BRI3BP: variants seen among roughly 807,000 people sequenced by gnomAD.
The protein encoded by BRI3BP is BRI3-binding protein.
Under a neutral mutation model 15.8 loss-of-function variants are expected in BRI3BP, and 7 were observed. That is an observed-to-expected ratio of 0.44 (90% CI 0.25 to 0.83). BRI3BP has a LOEUF of 0.83. Ranked by LOEUF, BRI3BP falls within the 40% of genes least tolerant of loss-of-function variation. The pLI is 0.20. For synonymous variants in BRI3BP, 192 were observed against 163.5 expected (o/e 1.17, Z -1.33); for missense variants, 320 against 339.3 (o/e 0.94, Z 0.45).
intron 1 of BRI3BP, among the ~76,000 whole-genome samples, chr12:124,994,259 G>C (rs1955021758): frequency 6.6e-6 from 1 of 151,924 alleles, no homozygotes; most frequent in Admixed American, 6.6e-5. Flanking sequence ...CTCCGCGGTC[G>C]GCGCAGCCAG....
At chr12:125,000,600 C>A (rs11057965) in intron 1 of BRI3BP, among the ~76,000 whole-genome samples, 8,955 of 152,174 alleles carry the variant, frequency 0.059, 404 homozygotes, top group Admixed American at 0.14. Context: ...GCGTGAGCCA[C>A]CACGCCCAGC....
At position 125,025,234 on chromosome 12, in the gene BRI3BP, C is replaced by T. The variant is rs768040301; in HGVS notation, c.560C>T (p.Pro187Leu). 1.2e-6 allele frequency: 2 copies of T among 1,614,124 alleles called. No individual in the cohort carries two copies. The highest frequency in any genetic ancestry group is 1.7e-6 in the Non-Finnish European group (2 of 1,180,030). ...YEGEPENAVLPLCFVVAVYFM... is the reference protein window; with the variant it reads ...YEGEPENAVLLLCFVVAVYFM... ...GGCGAGCCGGAGAACGCGGTGCTGC[C>T]GCTGTGCTTCGTGGTGGCCGTCTAC... Residue 187 changes from proline to leucine, a missense_variant, in exon 3 of 3, where the codon CCG becomes CTG. By Grantham distance (98) the Pro-to-Leu change is moderately conservative. Coordinates refer to ENST00000341446, the MANE Select transcript of BRI3BP (RefSeq NM_080626.6).
intron 1 of BRI3BP, among the ~76,000 whole-genome samples, chr12:125,005,557 T>C (rs544801492): frequency 6.6e-6 from 1 of 152,014 alleles, no homozygotes; most frequent in East Asian, 1.9e-4. Flanking sequence ...TCACTTGAGG[T>C]CAGGAATTCA....
intron 2 of BRI3BP, among the ~76,000 whole-genome samples, chr12:125,015,901 G>A (rs780484400): frequency 1.3e-5 from 2 of 152,190 alleles, no homozygotes; most frequent in Non-Finnish European, 2.9e-5. Flanking sequence ...CAGCCACCGC[G>A]TGCAATCCTC....
the BRI3BP span, among the ~76,000 whole-genome samples, chr12:125,037,180 C>T: frequency 6.6e-6 from 1 of 152,202 alleles, no homozygotes; most frequent in Non-Finnish European, 1.5e-5. Context: ...CGGCCTCAGC[C>T]TCCTGAGTAG....
chr12:125,007,899 T>C (rs760336530), intron 1 of BRI3BP, among the ~76,000 whole-genome samples: 5 of 152,202 alleles, frequency 3.3e-5, no homozygotes, highest in Non-Finnish European at 5.9e-5. Flanking sequence ...CACGTATGTC[T>C]GGCCTGCCTG....
intron 1 of BRI3BP, 84 bp downstream of exon 1, chr12:124,994,087 C>G (rs2135984110): frequency 2.1e-6 from 2 of 965,458 alleles, no homozygotes; most frequent in South Asian, 9.5e-5. Flanking sequence ...AGGAGCGCGG[C>G]CTCCGGGGCT....
chr12:125,033,620 T>C (rs1170306172), downstream of BRI3BP, among the ~76,000 whole-genome samples: 1 of 152,100 alleles, frequency 6.6e-6, no homozygotes, highest in African/African-American at 2.4e-5. Context: ...TTTCTTTTCC[T>C]TGGGCCCGGC....
At chr12:124,999,378 A>G (rs10846796) in intron 1 of BRI3BP, among the ~76,000 whole-genome samples, 17,018 of 151,920 alleles carry the variant, frequency 0.11, 1,248 homozygotes, top group East Asian at 0.24. Flanking sequence ...TCTGCTCCCT[A>G]TTGTTGGTTT....
the BRI3BP span, among the ~76,000 whole-genome samples, chr12:125,044,020 T>TAAAAA: frequency 7.6e-6 from 1 of 131,796 alleles, no homozygotes; most frequent in Non-Finnish European, 1.6e-5. Flanking sequence ...GCAAGACATT[T>TAAAAA]AAAAAAAAAA....
At chr12:124,996,121 C>A (rs946607087) in intron 1 of BRI3BP, among the ~76,000 whole-genome samples, 4 of 152,090 alleles carry the variant, frequency 2.6e-5, no homozygotes, top group African/African-American at 9.7e-5. Flanking sequence ...ACCATGTTGA[C>A]CAGTCTGGTC....
chr12:125,037,114 C>T, the BRI3BP span, among the ~76,000 whole-genome samples: 1 of 152,240 alleles, frequency 6.6e-6, no homozygotes, highest in Non-Finnish European at 1.5e-5. Context: ...GGCTGGAGTG[C>T]AATGGCACAA....
At position 124,993,928 on chromosome 12, in the gene BRI3BP, C is replaced by T. The variant is rs756701743; in HGVS notation, c.138C>T (p.Tyr46=). The T allele has an allele frequency of 5.9e-6, 8 of 1,346,138 alleles. No homozygotes were observed. The highest frequency in any genetic ancestry group is 1.8e-5 in the South Asian group (1 of 56,876). 83.4% of individuals were successfully genotyped at this position (1,346,138 alleles called of 1,614,324 possible). The change falls in exon 1 of 3, where the codon TAC becomes TAT. Residue 46 remains tyrosine, a synonymous_variant. Coordinates refer to ENST00000341446, the MANE Select transcript of BRI3BP (RefSeq NM_080626.6). The stretch of plus-strand genomic sequence containing the variant: ...GCGGCGGCGCGGAGAAGAACAGCTA[C>T]CGCCGCACGGTCAACACCTTCTCCC... The part of the protein sequence containing the change: ...RGRGGAEKNS[Y]RRTVNTFSQS...
chr12:125,050,349 C>CA, the BRI3BP span, among the ~76,000 whole-genome samples: 1,417 of 86,572 alleles, frequency 0.016, 21 homozygotes, highest in African/African-American at 0.051. Flanking sequence ...GACTCCGTCT[C>CA]AAAAAAAAAA....
In BRI3BP at chr12:125,025,451, T is replaced by C; in HGVS notation, c.*21T>C. ...AGTGAAGGTCAGCCGGCCGGGCGGG[T>C]CCACAGTTACCAGCACGCTGTCTCA... On this transcript the variant is annotated 3_prime_UTR_variant, in exon 3 of 3. Coordinates refer to ENST00000341446, the MANE Select transcript of BRI3BP (RefSeq NM_080626.6). 6.4e-7 allele frequency: 1 copy of C among 1,554,702 alleles called. No homozygotes were observed. Among genetic ancestry groups the C allele is most frequent in the South Asian group, 1.2e-5 (1 of 84,066 alleles).
At chr12:125,018,656 G>A (rs982441129) in intron 2 of BRI3BP, among the ~76,000 whole-genome samples, 1 of 150,978 alleles carries the variant, frequency 6.6e-6, no homozygotes, top group Non-Finnish European at 1.5e-5. Context: ...CAAACTGAGA[G>A]AATAAACTTC....
chr12:125,015,494 C>T (rs559358630), intron 2 of BRI3BP, among the ~76,000 whole-genome samples: 26 of 152,064 alleles, frequency 1.7e-4, no homozygotes, highest in Non-Finnish European at 3.1e-4. Context: ...CCTCCAGAAC[C>T]GCAAGTGGAT....
At chr12:124,996,873 C>T (rs187118374) in intron 1 of BRI3BP, among the ~76,000 whole-genome samples, 15 of 151,766 alleles carry the variant, frequency 9.9e-5, no homozygotes, top group Admixed American at 6.6e-4. Flanking sequence ...ATTCTCCTGC[C>T]TCAGCCCCCT....
intron 1 of BRI3BP, among the ~76,000 whole-genome samples, chr12:125,005,681 GA>G (rs1427285523): frequency 6.6e-6 from 1 of 151,998 alleles, no homozygotes; most frequent in Non-Finnish European, 1.5e-5. Context: ...TGAGGCATGA[GA>G]ATTGCTTGAA....
Sources: gnomAD v4.1 joint callset for allele counts (sites outside exome capture counted in the v4.1 genomes callset) on GRCh38, gnomAD v4.1.1 for gene constraint, MANE v1.5 for transcripts, NCBI Gene and HGNC (gene_info 2026-07-23, HGNC 2026-07-21) for gene names.